The following HRH4 variants were observed in gnomAD, a reference collection of about 807,000 sequenced individuals.
The protein encoded by HRH4 is histamine H4 receptor.
A neutral mutation model predicts 10.4 loss-of-function variants in HRH4; 12 were observed. The observed-to-expected ratio is 1.15, with a 90% CI of 0.74 to 1.87. The LOEUF is 1.87. Among genes scored for constraint, HRH4 ranks in the 40% most tolerant of loss-of-function variants. HRH4 has a pLI of 0.00. For synonymous variants in HRH4, 154 were observed against 166.6 expected, an observed-to-expected ratio of 0.92 and a Z score of 0.58; for missense variants, 415 against 453.3, an observed-to-expected ratio of 0.92 and a Z score of 0.77.
chr18:24,460,930 T>C lies in HRH4; in HGVS notation c.193+9T>C, dbSNP rs367722169. The C allele has an allele frequency of 3.3e-6, 5 of 1,505,756 alleles. No homozygotes were observed. Among genetic ancestry groups the C allele is most frequent in the Non-Finnish European group, 4.5e-6 (5 of 1,105,370 alleles). The allele number at this position is 1,505,756 out of a possible 1,614,324, so 93.3% of individuals were successfully genotyped here. On this transcript the variant is annotated intron_variant, in intron 1 of 2. Coordinates refer to ENST00000256906, the MANE Select transcript of HRH4 (RefSeq NM_021624.4). ...CTCTGACTTCTTTGTGGGTAAGTTA[T>C]ATGTCTTTATTTAAGACAGTCTTTT...
At chr18:24,468,740 GTTCA>G (rs1909846833) in intron 1 of HRH4, 44 bp from the exon 2 acceptor site, 2 of 1,518,570 alleles carry the variant, frequency 1.3e-6, no homozygotes, top group Non-Finnish European at 1.8e-6. Flanking sequence ...GCACATTTGT[GTTCA>G]TTGATGTGCG....
Position 24,478,399 on chromosome 18 carries a change from A to C in HRH4, c.*837A>C, listed in dbSNP as rs1268097487. On this transcript the variant is annotated 3_prime_UTR_variant, in exon 3 of 3. Transcript: ENST00000256906. ...TAGATGTCAATAATTATTATTTTTA[A>C]AAATTTTTATTTGTTGGCCGGGCAT... The C allele has an allele frequency of 6.6e-6, 1 of 152,316 alleles. No homozygotes were observed. The allele number at this position is 152,316 out of a possible 1,614,324, so 9.4% of individuals were successfully genotyped here.
At chr18:24,471,602 ATC>A (rs1909956897) in intron 2 of HRH4, among the ~76,000 whole-genome samples, 1 of 80,510 alleles carries the variant, frequency 1.2e-5, no homozygotes, top group Non-Finnish European at 2.4e-5. Flanking sequence ...GCAAGACTCC[ATC>A]TCAAAAAAAA....
In HRH4 at chr18:24,477,345, A is replaced by G. The variant is rs141897320; in HGVS notation, c.956A>G (p.Tyr319Cys). 2.0e-5 allele frequency: 33 copies of G among 1,614,078 alleles called. No homozygotes were observed. In the African/African-American group the frequency reaches 3.9e-4, roughly 19 times the overall value. The change falls in exon 3 of 3, where the codon TAT becomes TGT. Residue 319 changes from tyrosine to cysteine, a missense_variant. Physicochemically the swap from Tyr to Cys is radical, Grantham distance 194 (BLOSUM62 -2). Coordinates refer to ENST00000256906, the MANE Select transcript of HRH4 (RefSeq NM_021624.4). The stretch of plus-strand genomic sequence containing the variant: ...GTTTTTGCTGTTTGCTGGGCTCCAT[A>G]TTCTCTGTTCACAATTGTCCTTTCA... ...LGVFAVCWAP[Y>C]SLFTIVLSFY...
chr18:24,469,093 A>G (rs1432799227), intron 2 of HRH4, 142 bp downstream of exon 2: 1 of 619,656 alleles, frequency 1.6e-6, no homozygotes, highest in African/African-American at 1.9e-5. Context: ...TGTCTGGCAT[A>G]AAGTTCTTGC....
chr18:24,465,881 G>C (rs560545343), intron 1 of HRH4, among the ~76,000 whole-genome samples: 54 of 152,198 alleles, frequency 3.5e-4, no homozygotes, highest in African/African-American at 1.3e-3. Context: ...GTGTGACAAA[G>C]AGCATTTACC....
At chr18:24,476,504 T>C (rs770131616) in intron 2 of HRH4, among the ~76,000 whole-genome samples, 25 of 152,214 alleles carry the variant, frequency 1.6e-4, no homozygotes, top group Non-Finnish European at 3.1e-4. Flanking sequence ...TGACATTTTC[T>C]ATAGTATTCA....
intron 1 of HRH4, among the ~76,000 whole-genome samples, chr18:24,466,287 A>T (rs371551097): frequency 1.1e-3 from 136 of 129,110 alleles, no homozygotes; most frequent in Middle Eastern, 4.0e-3. Flanking sequence ...TAATTTTTGT[A>T]TTTTTTTTTT....
At position 24,479,222 on chromosome 18, in the gene HRH4, C is replaced by T. The variant is rs1204043664; in HGVS notation, c.*1660C>T. On this transcript the variant is annotated 3_prime_UTR_variant, in exon 3 of 3. Transcript: ENST00000256906. Reference sequence around the variant, plus strand: ...CTCCTGGGCTGAAACAATCCTCCCGCCTTGGCCTCCCAAAGTGCTGGGATT... The same window carrying T: ...CTCCTGGGCTGAAACAATCCTCCCGTCTTGGCCTCCCAAAGTGCTGGGATT... 2 of 152,100 alleles carry T rather than the reference C, an allele frequency of 1.3e-5. No individual in the cohort carries two copies. Among genetic ancestry groups the T allele is most frequent in the African/African-American group, 4.8e-5 (2 of 41,404 alleles). The allele number at this position is 152,100 out of a possible 1,614,324, so 9.4% of individuals were successfully genotyped here. A position where few individuals can be genotyped will look rare whatever the true frequency, so the allele number is the denominator to read the frequency against.
chr18:24,468,182 C>T (rs56790848), intron 1 of HRH4, among the ~76,000 whole-genome samples: 84,162 of 151,826 alleles, frequency 0.55, 24,884 homozygotes, highest in South Asian at 0.69. Flanking sequence ...AACCTATGTA[C>T]ATCCTCCCAT....
At chr18:24,465,148 C>T (rs1245502036) in intron 1 of HRH4, among the ~76,000 whole-genome samples, 5 of 151,860 alleles carry the variant, frequency 3.3e-5, no homozygotes, top group Admixed American at 6.6e-5. Flanking sequence ...ATTAGCCGGG[C>T]GTGGTGGCGT....
intron 2 of HRH4, among the ~76,000 whole-genome samples, chr18:24,470,900 A>G (rs1909923548): frequency 1.4e-5 from 2 of 145,772 alleles, no homozygotes; most frequent in South Asian, 4.5e-4. Context: ...ACTAGATTCT[A>G]GGAAAGGGAA....
chr18:24,477,344 T>C lies in HRH4; in HGVS notation c.955T>C (p.Tyr319His). 6.2e-7 allele frequency: 1 copy of C among 1,614,152 alleles called. No individual in the cohort carries two copies. ...LGVFAVCWAP[Y>H]SLFTIVLSFY... ...GGTTTTTGCTGTTTGCTGGGCTCCA[T>C]ATTCTCTGTTCACAATTGTCCTTTC... Residue 319 changes from tyrosine to histidine, a missense_variant, in exon 3 of 3, where the codon TAT becomes CAT. Coordinates refer to ENST00000256906, the MANE Select transcript of HRH4 (RefSeq NM_021624.4).
intron 1 of HRH4, among the ~76,000 whole-genome samples, chr18:24,464,903 C>T (rs1274532967): frequency 6.6e-6 from 1 of 151,912 alleles, no homozygotes; most frequent in Non-Finnish European, 1.5e-5. Context: ...GTGATAATTG[C>T]TACTGAAAAA....
intron 2 of HRH4, among the ~76,000 whole-genome samples, chr18:24,471,606 C>CAAAAAAAAAAAAAAA (rs60730879): frequency 2.7e-4 from 14 of 51,396 alleles, no homozygotes; most frequent in East Asian, 1.2e-3. Context: ...GACTCCATCT[C>CAAAAAAAAAAAAAAA]AAAAAAAAAA....
chr18:24,470,427 AC>A (rs1385450090), intron 2 of HRH4, among the ~76,000 whole-genome samples: 10 of 151,912 alleles, frequency 6.6e-5, no homozygotes, highest in Non-Finnish European at 1.2e-4. Context: ...GATGATATAT[AC>A]AAAAGTGTAC....
At chr18:24,464,848 TA>T (rs1483794412) in intron 1 of HRH4, among the ~76,000 whole-genome samples, 1 of 151,680 alleles carries the variant, frequency 6.6e-6, no homozygotes, top group Non-Finnish European at 1.5e-5. Flanking sequence ...AGACAGAAAA[TA>T]AACAAGAAAA....
At position 24,473,810 on chromosome 18, in the gene HRH4, G is replaced by A. The variant is rs572231267; in HGVS notation, c.358-2937G>A. On this transcript the variant is annotated intron_variant, in intron 2 of 2. Coordinates refer to ENST00000256906, the MANE Select transcript of HRH4 (RefSeq NM_021624.4). ...GAACACCAACAAGTTCTAGTAGGCC[G>A]CTCGGCCTCACCAAAAAAACCTGAT... Among the ~76,000 whole-genome samples the A allele has an allele frequency of 6.6e-5, 10 of 152,244 alleles. No individual in the cohort carries two copies. The East Asian group carries it at 1.7e-3, about 26-fold the overall frequency.
intron 1 of HRH4, among the ~76,000 whole-genome samples, chr18:24,468,512 T>C (rs1239716314): frequency 6.6e-6 from 1 of 152,216 alleles, no homozygotes; most frequent in African/African-American, 2.4e-5. Context: ...TCCAAATATT[T>C]TCTATCTGTG....
Sources: allele counts gnomAD v4.1 joint callset (sites outside exome capture counted in the v4.1 genomes callset), GRCh38; gene constraint gnomAD v4.1.1; transcripts MANE v1.5; gene names NCBI Gene and HGNC (gene_info 2026-07-23, HGNC 2026-07-21).